Variants in SLC9A9 observed in about 807,000 individuals in gnomAD.
SLC9A9 encodes sodium/hydrogen exchanger 9.
SLC9A9 carries 62 observed loss-of-function variants against 77.8 expected under a neutral mutation model. The ratio of observed to expected loss-of-function variants is 0.80; its 90% CI spans 0.65 to 0.98. The LOEUF is 0.98. SLC9A9 is among the 50% of genes least tolerant of loss of function. The probability of loss-of-function intolerance (pLI) is 0.00; values close to 1 mark genes in which losing one functional copy is unlikely to be tolerated. For missense variants in SLC9A9, 775 were observed against 774.9 expected (o/e 1.00, Z 0.00); for synonymous variants, 320 against 283.5 (o/e 1.13, Z -1.29).
intron 14 of SLC9A9, among the ~76,000 whole-genome samples, chr3:143,291,283 T>C (rs927856880): frequency 6.6e-6 from 1 of 152,208 alleles, no homozygotes; most frequent in African/African-American, 2.4e-5. Flanking sequence ...TGTCAGTTTC[T>C]GCTCGTCGAA....
chr3:143,590,741 CAGAG>C (rs1439532177), intron 6 of SLC9A9, among the ~76,000 whole-genome samples: 1 of 152,106 alleles, frequency 6.6e-6, no homozygotes, highest in African/African-American at 2.4e-5. Flanking sequence ...TGTTTGTGAA[CAGAG>C]GGTGTTTAAT....
intron 1 of SLC9A9, among the ~76,000 whole-genome samples, chr3:143,845,497 A>G (rs2009813162): frequency 6.6e-6 from 1 of 152,228 alleles, no homozygotes. Flanking sequence ...TGCCACCCAT[A>G]TGGAGTACTT....
At chr3:143,757,302 A>G (rs140951672) in intron 4 of SLC9A9, among the ~76,000 whole-genome samples, 1 of 152,296 alleles carries the variant, frequency 6.6e-6, no homozygotes, top group African/African-American at 2.4e-5. Flanking sequence ...ATGATTAATA[A>G]CAACAGGCAA....
At chr3:143,479,800 T>A (rs1183955472) in intron 11 of SLC9A9, among the ~76,000 whole-genome samples, 1 of 152,180 alleles carries the variant, frequency 6.6e-6, no homozygotes. Flanking sequence ...CAGCAGTGAT[T>A]TGACAGTCAA....
chr3:143,358,326 T>A (rs1313093104), intron 14 of SLC9A9, among the ~76,000 whole-genome samples: 1 of 152,170 alleles, frequency 6.6e-6, no homozygotes, highest in African/African-American at 2.4e-5. Flanking sequence ...GAAATCTCCA[T>A]CCACGTGGCT....
intron 11 of SLC9A9, among the ~76,000 whole-genome samples, chr3:143,490,130 A>G (rs898226490): frequency 1.3e-5 from 2 of 152,080 alleles, no homozygotes; most frequent in African/African-American, 2.4e-5. Context: ...AAAACATTCA[A>G]AATAGAATTA....
At position 143,574,069 on chromosome 3, in the gene SLC9A9, T is replaced by A. The variant is rs2037314428; in HGVS notation, c.1000+19A>T. Reference sequence around the variant, plus strand: ...ACATATTCACACATCCAGTTGGCTGTGCAGCATGAAGCACTGACCTGTTAG... The same window carrying A: ...ACATATTCACACATCCAGTTGGCTGAGCAGCATGAAGCACTGACCTGTTAG... On this transcript the variant is annotated intron_variant, in intron 8 of 15. Coordinates refer to ENST00000316549, the MANE Select transcript of SLC9A9 (RefSeq NM_173653.4). 2 of 1,606,632 alleles carry A rather than the reference T, an allele frequency of 1.2e-6. No individual in the cohort carries two copies. The highest frequency in any genetic ancestry group is 1.7e-6 in the Non-Finnish European group (2 of 1,173,956).
intron 14 of SLC9A9, among the ~76,000 whole-genome samples, chr3:143,330,770 T>C (rs936145781): frequency 6.6e-6 from 1 of 152,246 alleles, no homozygotes; most frequent in African/African-American, 2.4e-5. Flanking sequence ...ACCTGATATA[T>C]TATCATTTGA....
At chr3:143,281,903 T>C (rs1255267023) in intron 14 of SLC9A9, among the ~76,000 whole-genome samples, 1 of 152,180 alleles carries the variant, frequency 6.6e-6, no homozygotes, top group Non-Finnish European at 1.5e-5. Context: ...ACCTTTCCTA[T>C]CTCATTCCCC....
chr3:143,355,306 T>C (rs977412661), intron 14 of SLC9A9, among the ~76,000 whole-genome samples: 2 of 152,216 alleles, frequency 1.3e-5, no homozygotes, highest in Non-Finnish European at 2.9e-5. Context: ...ATTATACACA[T>C]TACATGATGC....
At chr3:143,412,695 G>A (rs528696349) in intron 12 of SLC9A9, among the ~76,000 whole-genome samples, 1 of 152,190 alleles carries the variant, frequency 6.6e-6, no homozygotes, top group East Asian at 1.9e-4. Context: ...CCTCTTTAGC[G>A]CCATCAGAGT....
In SLC9A9 at chr3:143,363,399, A is replaced by C. The variant is rs1018847313; in HGVS notation, c.1604+85T>G. The stretch of plus-strand genomic sequence containing the variant: ...TACCTTTTGGTGTTTCTTGAAGAGC[A>C]GGAGTGCACACTTCAATGATTAAGA... On this transcript the variant is annotated intron_variant, in intron 14 of 15. Transcript: ENST00000316549. 37 of 1,167,858 alleles carry C rather than the reference A, an allele frequency of 3.2e-5. No homozygotes were observed. In the African/African-American group the frequency reaches 4.4e-4, roughly 14 times the overall value. 72.3% of individuals were successfully genotyped at this position (1,167,858 alleles called of 1,614,324 possible). A position where few individuals can be genotyped will look rare whatever the true frequency, so the allele number is the denominator to read the frequency against.
chr3:143,512,620 G>A (rs753644391), intron 9 of SLC9A9, among the ~76,000 whole-genome samples: 2 of 152,236 alleles, frequency 1.3e-5, no homozygotes, highest in Non-Finnish European at 2.9e-5. Flanking sequence ...GCTCACGCCT[G>A]TAATCCCAGC....
intron 4 of SLC9A9, among the ~76,000 whole-genome samples, chr3:143,728,790 T>C (rs73871640): frequency 3.7e-4 from 56 of 152,052 alleles, no homozygotes; most frequent in African/African-American, 1.3e-3. Flanking sequence ...TCCTGACTCA[T>C]TGAATTAGGG....
In SLC9A9 at chr3:143,606,327, C is replaced by T. The variant is rs184353583; in HGVS notation, c.756-27604G>A. ...GGCTGAGGCAGGAGAATTGCTGGAACCTGGGGGAACGAGATGGAGGTTGCA... is the reference window on the plus strand; with the variant it reads ...GGCTGAGGCAGGAGAATTGCTGGAATCTGGGGGAACGAGATGGAGGTTGCA... On this transcript the variant is annotated intron_variant, in intron 6 of 15. Transcript: ENST00000316549. Among the ~76,000 whole-genome samples the T allele has an allele frequency of 3.5e-3, 522 of 150,658 alleles. 2 individuals are homozygous for T. The highest frequency in any genetic ancestry group is 0.012 in the African/African-American group (494 of 41,002).
chr3:143,784,808 C>A (rs1225389352), intron 4 of SLC9A9, among the ~76,000 whole-genome samples: 1 of 152,106 alleles, frequency 6.6e-6, no homozygotes, highest in Non-Finnish European at 1.5e-5. Flanking sequence ...TCCTAACACC[C>A]AAGTTGATTG....
chr3:143,413,394 C>T (rs1175822990), intron 12 of SLC9A9, among the ~76,000 whole-genome samples: 1 of 152,190 alleles, frequency 6.6e-6, no homozygotes, highest in Non-Finnish European at 1.5e-5. Context: ...TGGGGGTTGC[C>T]GTTTCAAAGG....
chr3:143,303,368 C>T (rs1578276739), intron 14 of SLC9A9, among the ~76,000 whole-genome samples: 1 of 145,450 alleles, frequency 6.9e-6, no homozygotes, highest in Non-Finnish European at 1.5e-5. Flanking sequence ...TTTTCTTTTT[C>T]TTTTCTTTTT....
rs534347551 is a variant in SLC9A9, at chr3:143,540,977, A to G, written c.1089+11385T>C. Among the ~76,000 whole-genome samples the G allele has an allele frequency of 5.9e-5, 9 of 152,354 alleles. No homozygotes were observed. In the South Asian group the frequency reaches 1.9e-3, roughly 32 times the overall value. ...GCAGAAAACCTAAATATTCAACCAT[A>G]TACGAAATTAAAAGCACTATCAAAC... On this transcript the variant is annotated intron_variant, in intron 9 of 15. Transcript: ENST00000316549.
Sources: allele counts gnomAD v4.1 joint callset (sites outside exome capture counted in the v4.1 genomes callset), GRCh38; gene constraint gnomAD v4.1.1; transcripts MANE v1.5; gene names NCBI Gene and HGNC (gene_info 2026-07-23, HGNC 2026-07-21).